ALS2: variants seen among roughly 807,000 people sequenced by gnomAD.
ALS2 encodes the protein alsin Rho guanine nucleotide exchange factor ALS2.
Under a neutral mutation model 203.4 loss-of-function variants are expected in ALS2, and 117 were observed. That is an observed-to-expected ratio of 0.58 (90% CI 0.50 to 0.67). The LOEUF (loss-of-function observed/expected upper bound fraction) is 0.67. Among genes scored for constraint, ALS2 ranks in the 30% least tolerant of loss-of-function variants. ALS2 has a pLI of 0.00. For synonymous variants in ALS2, 718 were observed against 725.9 expected (o/e 0.99, Z 0.17); for missense variants, 1,715 against 1,989.4 (o/e 0.86, Z 2.62).
chr2:201,731,578 A>G (rs1290885963), intron 13 of ALS2, among the ~76,000 whole-genome samples: 1 of 152,246 alleles, frequency 6.6e-6, no homozygotes, highest in East Asian at 1.9e-4. Context: ...AATTCATTCA[A>G]TAAAAGTATC....
intron 23 of ALS2, 110 bp from the exon 24 acceptor site, chr2:201,718,320 T>C: frequency 8.1e-6 from 10 of 1,240,806 alleles, no homozygotes; most frequent in South Asian, 7.5e-5. Flanking sequence ...AGTGCAGTGA[T>C]GCGATCTTGG....
rs1309433396 is a variant in ALS2 at position 201,741,833 on chromosome 2, G to A, written c.2192C>T (p.Thr731Ile). The A allele has an allele frequency of 1.2e-6, 2 of 1,613,926 alleles. No homozygotes were observed. Among genetic ancestry groups the A allele is most frequent in the Non-Finnish European group, 1.7e-6 (2 of 1,179,886 alleles). ...AGCCACCTCCTGCAACAGCTGGACT[G>A]TAGTTGTAGTGCCCAAATTTTCTAT... ...LSLENLGTTT[T>I]VQLLQEVASR... The change falls in exon 11 of 34, where the codon ACA (threonine) becomes ATA (isoleucine). Residue 731 changes from threonine (T) to isoleucine (I), a missense_variant. Transcript: ENST00000264276.
At chr2:201,779,650 C>T (rs1003630895) in intron 1 of ALS2, among the ~76,000 whole-genome samples, 2 of 152,138 alleles carry the variant, frequency 1.3e-5, no homozygotes, top group Non-Finnish European at 2.9e-5. Flanking sequence ...GTAATAAATA[C>T]GATACATGAA....
intron 7 of ALS2, among the ~76,000 whole-genome samples, chr2:201,751,070 C>T (rs1019032450): frequency 6.6e-6 from 1 of 152,056 alleles, no homozygotes; most frequent in African/African-American, 2.4e-5. Context: ...CCAGGCTGGT[C>T]TTGAACTCCT....
At chr2:201,707,096 T>C in intron 28 of ALS2, 74 bp from the exon 29 acceptor site, 2 of 1,443,400 alleles carry the variant, frequency 1.4e-6, no homozygotes, top group South Asian at 2.4e-5. Context: ...AGGTAGAGCT[T>C]CAGTTTCAAA....
chr2:201,710,059 T>C, intron 26 of ALS2, 21 bp from the exon 27 acceptor site: 2 of 1,613,278 alleles, frequency 1.2e-6, no homozygotes, highest in African/African-American at 2.7e-5. Flanking sequence ...AAAGAATCAA[T>C]GAAGTCAGTT....
chr2:201,715,585 T>G, intron 25 of ALS2, 87 bp downstream of exon 25: 2 of 1,493,534 alleles, frequency 1.3e-6, no homozygotes, highest in Non-Finnish European at 1.9e-6. Flanking sequence ...ACTTTTAAAT[T>G]AAATGTGGTG....
chr2:201,776,858 T>C (rs1210850605), intron 1 of ALS2, among the ~76,000 whole-genome samples: 1 of 152,190 alleles, frequency 6.6e-6, no homozygotes, highest in African/African-American at 2.4e-5. Flanking sequence ...GAAATAAAAA[T>C]ATTGTTTAAC....
intron 4 of ALS2, 181 bp downstream of exon 4, chr2:201,760,700 G>C: frequency 1.4e-6 from 2 of 1,417,988 alleles, no homozygotes; most frequent in Non-Finnish European, 1.8e-6. Flanking sequence ...CAAACATAAA[G>C]AGTGATTTTG....
intron 4 of ALS2, 43 bp from the exon 5 acceptor site, chr2:201,757,802 C>T (rs748122222): frequency 2.1e-6 from 3 of 1,412,748 alleles, no homozygotes; most frequent in Non-Finnish European, 1.9e-6. Context: ...AATATAATCC[C>T]TTATGCAACA....
rs527673613 is a variant in ALS2 at position 201,743,015 on chromosome 2, G to A, written c.2171-1161C>T. Among the ~76,000 whole-genome samples, 10 of 149,230 alleles carry A rather than the reference G, an allele frequency of 6.7e-5. No individual in the cohort carries two copies. In the East Asian group the frequency reaches 2.0e-3, roughly 30 times the overall value. ...GAACCCAGGAGGTGAAGGTTGCAGT[G>A]AGCCGAGATTGTGCCACTACACTCC... On this transcript the variant is annotated intron_variant, in intron 10 of 33. Coordinates refer to ENST00000264276, the MANE Select transcript of ALS2 (RefSeq NM_020919.4).
At chr2:201,744,820 A>G (rs903649144) in intron 9 of ALS2, among the ~76,000 whole-genome samples, 1 of 152,224 alleles carries the variant, frequency 6.6e-6, no homozygotes, top group Admixed American at 6.5e-5. Context: ...ATAGGGATAC[A>G]TGTCTCAGGA....
At chr2:201,759,920 T>C (rs1693654095) in intron 4 of ALS2, 3 of 985,054 alleles carry the variant, frequency 3.0e-6, no homozygotes, top group Non-Finnish European at 3.6e-6. Context: ...AAATAATCCT[T>C]TTAAAACAAT....
chr2:201,722,930 C>T lies in ALS2; in HGVS notation c.3702+113G>A, dbSNP rs7572898. The T allele has an allele frequency of 0.35, 285,133 of 806,214 alleles. 54,570 individuals are homozygous for T. The highest frequency in any genetic ancestry group is 0.64 in the East Asian group (24,183 of 37,506). 49.9% of individuals were successfully genotyped at this position (806,214 alleles called of 1,614,324 possible). A position where few individuals can be genotyped will look rare whatever the true frequency, so the allele number is the denominator to read the frequency against. ...CCATGTTGACCAAAAATCACTGAAACGTGCACTTGAAAGGGGTGAATTTTA... is the reference window on the plus strand; with the variant it reads ...CCATGTTGACCAAAAATCACTGAAATGTGCACTTGAAAGGGGTGAATTTTA... On this transcript the variant is annotated intron_variant, in intron 23 of 33. Coordinates refer to ENST00000264276, the MANE Select transcript of ALS2 (RefSeq NM_020919.4).
chr2:201,718,331 C>G, intron 23 of ALS2, 121 bp from the exon 24 acceptor site: 1 of 1,079,298 alleles, frequency 9.3e-7, no homozygotes, highest in Non-Finnish European at 1.4e-6. Flanking sequence ...GCGATCTTGG[C>G]TCACTGCAAC....
At chr2:201,752,493 A>G (rs1693125390) in intron 7 of ALS2, among the ~76,000 whole-genome samples, 1 of 152,106 alleles carries the variant, frequency 6.6e-6, no homozygotes, top group South Asian at 2.1e-4. Flanking sequence ...ATTAATATTT[A>G]TACAAGTTAT....
intron 19 of ALS2, 125 bp downstream of exon 19, chr2:201,726,359 G>A (rs1691162310): frequency 1.0e-5 from 9 of 875,946 alleles, no homozygotes; most frequent in Non-Finnish European, 1.5e-5. Flanking sequence ...TCATACATGT[G>A]CATTTCTAAA....
At chr2:201,760,729 C>A in intron 4 of ALS2, 152 bp downstream of exon 4, 1 of 1,433,162 alleles carries the variant, frequency 7.0e-7, no homozygotes, top group Non-Finnish European at 9.1e-7. Flanking sequence ...CAGGTTCTTT[C>A]CTTTATCTAG....
chr2:201,727,153 A>C, intron 17 of ALS2, 59 bp downstream of exon 17: 3 of 1,380,298 alleles, frequency 2.2e-6, no homozygotes, highest in Non-Finnish European at 3.1e-6. Context: ...CTTCTTTATT[A>C]CACAAGAGGC....
Sources: gnomAD v4.1 joint callset for allele counts (sites outside exome capture counted in the v4.1 genomes callset) on GRCh38, gnomAD v4.1.1 for gene constraint, MANE v1.5 for transcripts, NCBI Gene and HGNC (gene_info 2026-07-23, HGNC 2026-07-21) for gene names.